Variants in TRIM66 observed in about 807,000 individuals in gnomAD.
TRIM66 encodes the protein tripartite motif containing 66.
Under a neutral mutation model 148.2 loss-of-function variants are expected in TRIM66, and 99 were observed. The observed-to-expected ratio is 0.67, with a 90% CI of 0.57 to 0.79. TRIM66 has a LOEUF of 0.79. Ranked by LOEUF, TRIM66 falls within the 30% of genes least tolerant of loss-of-function variation. TRIM66 has a pLI of 0.00. For missense variants in TRIM66, 1,666 were observed against 1,697.9 expected (o/e 0.98, Z 0.33); for synonymous variants, 616 against 635.9 (o/e 0.97, Z 0.47).
intron 1 of TRIM66, among the ~76,000 whole-genome samples, chr11:8,681,358 C>G (rs1218665765): frequency 6.6e-6 from 1 of 152,036 alleles, no homozygotes; most frequent in African/African-American, 2.4e-5. Context: ...TGGTCTCGAT[C>G]TCCTGACCTC....
intron 6 of TRIM66, among the ~76,000 whole-genome samples, chr11:8,670,021 T>TA (rs2038844921): frequency 1.3e-5 from 2 of 150,640 alleles, no homozygotes; most frequent in East Asian, 2.0e-4. Flanking sequence ...TTATTTATTT[T>TA]TTTTTTTTTG....
At chr11:8,618,586 G>T in intron 24 of TRIM66, 164 bp downstream of exon 24, 1 of 661,786 alleles carries the variant, frequency 1.5e-6, no homozygotes, top group Non-Finnish European at 2.6e-6. Context: ...GATGGGCCCT[G>T]TACTGCCCTG....
chr11:8,647,623 G>C (rs992447209), intron 10 of TRIM66, among the ~76,000 whole-genome samples: 49 of 152,262 alleles, frequency 3.2e-4, no homozygotes, highest in African/African-American at 1.2e-3. Flanking sequence ...GATTGCCCCT[G>C]GTTTGTTCCA....
intron 6 of TRIM66, chr11:8,658,881 T>C: frequency 1.2e-6 from 1 of 846,982 alleles, no homozygotes; most frequent in Non-Finnish European, 1.4e-6. Context: ...GAAGTCCTTA[T>C]CCTGTGACGT....
intron 12 of TRIM66, chr11:8,644,574 C>T: frequency 2.8e-6 from 1 of 356,902 alleles, no homozygotes; most frequent in Non-Finnish European, 5.5e-6. Flanking sequence ...TAAGGTCAAC[C>T]AGTTCACTCT....
chr11:8,626,427 T>C (rs146936911), intron 15 of TRIM66, among the ~76,000 whole-genome samples: 1 of 152,322 alleles, frequency 6.6e-6, no homozygotes, highest in Non-Finnish European at 1.5e-5. Context: ...TATTTTGCCA[T>C]GAACACTGTC....
Position 8,621,692 on chromosome 11 carries a change from G to A in TRIM66, c.3208C>T (p.Leu1070=). The A allele has an allele frequency of 2.6e-6, 4 of 1,550,802 alleles. No homozygotes were observed. The highest frequency in any genetic ancestry group is 3.5e-6 in the Non-Finnish European group (4 of 1,146,614). The change falls in exon 19 of 25, where the codon CTG becomes TTG. Residue 1070 remains leucine (L), a synonymous_variant. Coordinates refer to ENST00000646038, the MANE Select transcript of TRIM66 (RefSeq NM_001388022.1). The part of the protein sequence containing the change: ...PQKNDQDGSF[L]LIIECGTESS... The stretch of plus-strand genomic sequence containing the variant: ...TCAGTGCCACACTCGATGATCAGCA[G>A]GAAGCTCCCATCCTGATCATTCTTC...
At chr11:8,650,888 C>T (rs1311558364) in intron 7 of TRIM66, among the ~76,000 whole-genome samples, 1 of 152,148 alleles carries the variant, frequency 6.6e-6, no homozygotes, top group Non-Finnish European at 1.5e-5. Context: ...TATGGGAGTA[C>T]ACAGCAAGAT....
chr11:8,652,221 G>A (rs2037421260), intron 6 of TRIM66, among the ~76,000 whole-genome samples: 1 of 152,002 alleles, frequency 6.6e-6, no homozygotes, highest in South Asian at 2.1e-4. Context: ...GTGCCTTCTT[G>A]CTGCTCCCAT....
At chr11:8,633,735 G>A (rs1022636432) in intron 15 of TRIM66, among the ~76,000 whole-genome samples, 3 of 152,206 alleles carry the variant, frequency 2.0e-5, no homozygotes, top group African/African-American at 7.2e-5. Flanking sequence ...GGAGACTATG[G>A]AAGCAGGATG....
rs1239110807 is a variant in TRIM66, at chr11:8,649,835, C to T, written c.497G>A (p.Cys166Tyr). The change falls in exon 8 of 25, where the codon TGC (cysteine) becomes TAC (tyrosine). Residue 166 changes from cysteine to tyrosine, a missense_variant. By Grantham distance (194) the Cys-to-Tyr change is radical. Coordinates refer to ENST00000646038, the MANE Select transcript of TRIM66 (RefSeq NM_001388022.1). ...KRAAHILCTY[C>Y]NRWLCSSCTE... is the part of the protein sequence containing the mutation. ...GCAAGAGCTGCACAGCCAGCGATTG[C>T]AGTAGGTGCAGAGGATATGTGCTGC... 6.4e-7 allele frequency: 1 copy of T among 1,551,666 alleles called. No homozygotes were observed. Among genetic ancestry groups the T allele is most frequent in the Non-Finnish European group, 8.7e-7 (1 of 1,146,998 alleles).
At chr11:8,624,586 A>G in intron 16 of TRIM66, 35 bp from the exon 17 acceptor site, 1 of 1,508,522 alleles carries the variant, frequency 6.6e-7, no homozygotes, top group Non-Finnish European at 8.9e-7. Context: ...GAATCAAAGA[A>G]CTCAGACATG....
chr11:8,619,319 A>T (rs546172483), intron 23 of TRIM66, 64 bp downstream of exon 23: 1 of 1,350,488 alleles, frequency 7.4e-7, no homozygotes, highest in Non-Finnish European at 9.9e-7. Flanking sequence ...TCCCAACCCT[A>T]CCCACCCATG....
rs897784005 is a variant in TRIM66, at chr11:8,679,693, G to T, written c.-263C>A. 2.0e-5 allele frequency: 3 copies of T among 152,688 alleles called. No homozygotes were observed. Among genetic ancestry groups the T allele is most frequent in the African/African-American group, 4.8e-5 (2 of 41,450 alleles). 9.5% of individuals were successfully genotyped at this position (152,688 alleles called of 1,614,324 possible). On this transcript the variant is annotated 5_prime_UTR_variant, in exon 3 of 25. The change creates a new upstream start codon in the 5' untranslated region. Transcript: ENST00000646038. ...TCATTTCTTGTGCACTTACTGGCCAGTTTTGATGTCAAATAGACGACGATG... is the reference window on the plus strand; with the variant it reads ...TCATTTCTTGTGCACTTACTGGCCATTTTTGATGTCAAATAGACGACGATG...
intron 15 of TRIM66, among the ~76,000 whole-genome samples, chr11:8,628,573 A>G (rs2035075732): frequency 6.9e-6 from 1 of 144,364 alleles, no homozygotes; most frequent in South Asian, 2.2e-4. Flanking sequence ...AGATCGTGCC[A>G]CTACACTCCA....
chr11:8,662,902 A>C (rs1458644663), intron 6 of TRIM66, among the ~76,000 whole-genome samples: 3 of 152,184 alleles, frequency 2.0e-5, no homozygotes, highest in African/African-American at 7.2e-5. Context: ...CAGGGATGTT[A>C]GCTCCCTTCA....
chr11:8,636,122 A>G (rs1371406870), intron 15 of TRIM66, among the ~76,000 whole-genome samples: 1 of 151,920 alleles, frequency 6.6e-6, no homozygotes, highest in Admixed American at 6.6e-5. Context: ...CATGTCTGAC[A>G]TCCATGGCTT....
At chr11:8,627,572 ATTG>A (rs1189359052) in intron 15 of TRIM66, among the ~76,000 whole-genome samples, 6 of 152,160 alleles carry the variant, frequency 3.9e-5, no homozygotes, top group Admixed American at 3.9e-4. Context: ...TATTATTTTT[ATTG>A]TTATTATTGT....
chr11:8,666,452 G>C (rs2038605497), intron 6 of TRIM66, among the ~76,000 whole-genome samples: 1 of 151,160 alleles, frequency 6.6e-6, no homozygotes, highest in African/African-American at 2.4e-5. Context: ...CATCTAACAG[G>C]CTTTTTTCCC....
Sources: gnomAD v4.1 joint callset for allele counts (sites outside exome capture counted in the v4.1 genomes callset) on GRCh38, gnomAD v4.1.1 for gene constraint, MANE v1.5 for transcripts, NCBI Gene and HGNC (gene_info 2026-07-23, HGNC 2026-07-21) for gene names.